OSBPL11: variants seen among roughly 807,000 people sequenced by gnomAD.
OSBPL11 encodes the protein oxysterol-binding protein-related protein 11.
In OSBPL11, 33 loss-of-function variants were observed where a neutral mutation model predicts 84.4. The observed-to-expected ratio is 0.39, with a 90% CI of 0.30 to 0.52. OSBPL11 has a LOEUF of 0.52. Among genes scored for constraint, OSBPL11 ranks in the 20% least tolerant of loss-of-function variants. The pLI is 0.72. For synonymous variants in OSBPL11, 276 were observed against 310.2 expected, an observed-to-expected ratio of 0.89 and a Z score of 1.16; for missense variants, 736 against 901.1, an observed-to-expected ratio of 0.82 and a Z score of 2.35.
intron 5 of OSBPL11, among the ~76,000 whole-genome samples, chr3:125,572,690 A>T (rs1936259693): frequency 6.6e-6 from 1 of 151,862 alleles, no homozygotes. Flanking sequence ...GCCTTCCGCC[A>T]TGATTGTGAG....
At position 125,579,882 on chromosome 3, in the gene OSBPL11, T is replaced by A; in HGVS notation, c.392A>T (p.Glu131Val). ...GGTCATACCTCTGAGTTTATATTGT[T>A]CCCCACTGGCAGCGTTTACAGTGAA... ...HTFTVNAASGEQYKLRATDAK... is the reference protein window; with the variant it reads ...HTFTVNAASGVQYKLRATDAK... Residue 131 changes from glutamate to valine, a missense_variant, in exon 3 of 13, where the codon GAA (glutamate) becomes GTA (valine). Glu to Val is a moderately radical substitution (Grantham distance 121). Coordinates refer to ENST00000296220, the MANE Select transcript of OSBPL11 (RefSeq NM_022776.5). The A allele has an allele frequency of 6.2e-7, 1 of 1,614,132 alleles. No homozygotes were observed. The highest frequency in any genetic ancestry group is 8.5e-7 in the Non-Finnish European group (1 of 1,180,014).
chr3:125,531,506 G>C (rs571062574), intron 12 of OSBPL11, among the ~76,000 whole-genome samples: 3 of 151,092 alleles, frequency 2.0e-5, no homozygotes, highest in Non-Finnish European at 4.4e-5. Context: ...GGTCAGGCTG[G>C]TCTCGAACTC....
chr3:125,546,179 T>G (rs1459929396), intron 10 of OSBPL11, among the ~76,000 whole-genome samples: 24 of 147,242 alleles, frequency 1.6e-4, no homozygotes, highest in Middle Eastern at 3.5e-3. Flanking sequence ...GTGTGTGTGT[T>G]TTTTTTTTTT....
intron 1 of OSBPL11, among the ~76,000 whole-genome samples, chr3:125,586,807 GC>G (rs1213832940): frequency 6.6e-6 from 1 of 152,138 alleles, no homozygotes; most frequent in Non-Finnish European, 1.5e-5. Context: ...GAGCCACCGT[GC>G]CCGGCAATAT....
intron 1 of OSBPL11, among the ~76,000 whole-genome samples, chr3:125,590,542 C>A (rs1580067959): frequency 6.6e-6 from 1 of 151,916 alleles, no homozygotes; most frequent in Non-Finnish European, 1.5e-5. Flanking sequence ...ACAAGAGGAC[C>A]AGACTCTGTC....
Position 125,538,418 on chromosome 3 carries a change from A to G in OSBPL11, c.2024+33T>C, listed in dbSNP as rs566548633. ...CTTAGATTAAGATGCAGAGCATCTGACTCTTTCCTGGATAGATGCAAGGAT... is the reference window on the plus strand; with the variant it reads ...CTTAGATTAAGATGCAGAGCATCTGGCTCTTTCCTGGATAGATGCAAGGAT... On this transcript the variant is annotated intron_variant, in intron 11 of 12. Transcript: ENST00000296220. The G allele has an allele frequency of 5.8e-5, 93 of 1,591,940 alleles. 1 individual carries two copies. The South Asian group carries it at 1.0e-3, about 17-fold the overall frequency.
intron 9 of OSBPL11, among the ~76,000 whole-genome samples, chr3:125,548,806 G>A (rs1243996104): frequency 1.3e-5 from 2 of 151,818 alleles, no homozygotes; most frequent in African/African-American, 4.8e-5. Context: ...TTTTAATATA[G>A]TTAATTTTTA....
rs1355881011 is a variant in OSBPL11, at chr3:125,532,580, AAAAAAAAAAAAAC to A, written c.2025-579_2025-567del. On this transcript the variant is annotated intron_variant, in intron 11 of 12. Coordinates refer to ENST00000296220, the MANE Select transcript of OSBPL11 (RefSeq NM_022776.5). Reference sequence around the variant, plus strand: ...GGGAAGCTTAACAAATCTCAAGCAAAAAAAAAAAAAAACAAAAAAAAACTGCCACAACACTTCT... The same window carrying A: ...GGGAAGCTTAACAAATCTCAAGCAAAAAAAAAAAACTGCCACAACACTTCT... Among the ~76,000 whole-genome samples the A allele has an allele frequency of 5.4e-5, 8 of 148,490 alleles. No homozygotes were observed. In the South Asian group the frequency reaches 6.4e-4, roughly 12 times the overall value.
chr3:125,594,499 G>A lies in OSBPL11; in HGVS notation c.164+138C>T, dbSNP rs1286894315. On this transcript the variant is annotated intron_variant, in intron 1 of 12. Coordinates refer to ENST00000296220, the MANE Select transcript of OSBPL11 (RefSeq NM_022776.5). ...ATTAAATCTTTTAGGCGAGGTCCCA[G>A]ATCCAAACGAGATGTATCAGTAGCT... 11 of 1,017,666 alleles carry A rather than the reference G, an allele frequency of 1.1e-5. 1 individual carries two copies. The Middle Eastern group carries it at 1.3e-3, about 121-fold the overall frequency. The allele number at this position is 1,017,666 out of a possible 1,614,324, so 63.0% of individuals were successfully genotyped here.
chr3:125,586,133 C>G (rs1172724656), intron 1 of OSBPL11, among the ~76,000 whole-genome samples: 1 of 152,096 alleles, frequency 6.6e-6, no homozygotes. Flanking sequence ...TAATGTGTGT[C>G]TGTTAATATT....
At chr3:125,581,318 C>T (rs1180140046) in intron 2 of OSBPL11, among the ~76,000 whole-genome samples, 1 of 151,956 alleles carries the variant, frequency 6.6e-6, no homozygotes, top group Non-Finnish European at 1.5e-5. Context: ...TCTCAAACTC[C>T]TGAACTCAGG....
chr3:125,547,390 A>T lies in OSBPL11; in HGVS notation c.1841+16T>A, dbSNP rs1228992733. 17 of 1,602,660 alleles carry T rather than the reference A, an allele frequency of 1.1e-5. No individual in the cohort carries two copies. The highest frequency in any genetic ancestry group is 1.5e-5 in the Non-Finnish European group (17 of 1,172,308). ...GTGGAAGAATAAGAACTAGATAATC[A>T]TTAAAATGTTCTTACCGATGCAGTT... On this transcript the variant is annotated intron_variant, in intron 10 of 12. Coordinates refer to ENST00000296220, the MANE Select transcript of OSBPL11 (RefSeq NM_022776.5).
chr3:125,576,095 T>C (rs1383527746), intron 5 of OSBPL11, 94 bp downstream of exon 5: 12 of 1,145,092 alleles, frequency 1.0e-5, no homozygotes, highest in South Asian at 8.4e-5. Flanking sequence ...ATGAAGGCCC[T>C]TGAAGACACA....
At chr3:125,569,318 T>C (rs1936209893) in intron 5 of OSBPL11, among the ~76,000 whole-genome samples, 1 of 151,960 alleles carries the variant, frequency 6.6e-6, no homozygotes. Context: ...ACTAAGCAAA[T>C]CAGTGTCATA....
intron 8 of OSBPL11, 90 bp from the exon 9 acceptor site, chr3:125,552,769 T>C: frequency 7.2e-7 from 1 of 1,392,774 alleles, no homozygotes; most frequent in Non-Finnish European, 9.7e-7. Flanking sequence ...CATTTCATTC[T>C]AGATGGGTAT....
chr3:125,575,080 C>T (rs1336232886), intron 5 of OSBPL11, among the ~76,000 whole-genome samples: 1 of 152,080 alleles, frequency 6.6e-6, no homozygotes, highest in Non-Finnish European at 1.5e-5. Flanking sequence ...CTGTGAATGG[C>T]CAAATTTTCA....
chr3:125,531,841 T>G lies in OSBPL11; in HGVS notation c.2178+20A>C, dbSNP rs1283311101. 1.9e-6 allele frequency: 3 copies of G among 1,585,620 alleles called. No homozygotes were observed. In the African/African-American group the frequency reaches 4.1e-5, roughly 22 times the overall value. On this transcript the variant is annotated intron_variant, in intron 12 of 12. Transcript: ENST00000296220. ...CAGCCAAGTAGATACATTTTTATCT[T>G]GAACACATGTACAGCATACCTCTTT...
chr3:125,592,783 C>A (rs772426275), intron 1 of OSBPL11, among the ~76,000 whole-genome samples: 1 of 150,970 alleles, frequency 6.6e-6, no homozygotes, highest in African/African-American at 2.4e-5. Context: ...ATATTAAGAC[C>A]TAACAGGAAA....
chr3:125,590,326 G>C (rs1936578113), intron 1 of OSBPL11, among the ~76,000 whole-genome samples: 1 of 152,186 alleles, frequency 6.6e-6, no homozygotes, highest in Non-Finnish European at 1.5e-5. Flanking sequence ...GAAGTGGGTG[G>C]ATCACTTGAG....
Sources: allele counts gnomAD v4.1 joint callset (sites outside exome capture counted in the v4.1 genomes callset), GRCh38; gene constraint gnomAD v4.1.1; transcripts MANE v1.5; gene names NCBI Gene and HGNC (gene_info 2026-07-23, HGNC 2026-07-21).